The following MTREX variants were observed in gnomAD, a reference collection of about 807,000 sequenced individuals.
The protein encoded by MTREX is exosome RNA helicase MTR4.
MTREX carries 76 observed loss-of-function variants against 135.4 expected under a neutral mutation model. The observed-to-expected ratio is 0.56, with a 90% CI of 0.47 to 0.68. The LOEUF is 0.68. Among genes scored for constraint, MTREX ranks in the 30% least tolerant of loss-of-function variants. The pLI, the probability that MTREX is intolerant of heterozygous loss-of-function variation, is 0.00. For missense variants in MTREX, 920 were observed against 1,262.1 expected, an observed-to-expected ratio of 0.73 and a Z score of 4.11; for synonymous variants, 404 against 401.6, an observed-to-expected ratio of 1.01 and a Z score of -0.07.
chr5:55,412,123 A>G (rs960751258), intron 23 of MTREX, among the ~76,000 whole-genome samples: 2 of 152,290 alleles, frequency 1.3e-5, no homozygotes, highest in Middle Eastern at 3.4e-3. Flanking sequence ...ATACAGTGTC[A>G]TCAATTCTTG....
intron 3 of MTREX, among the ~76,000 whole-genome samples, chr5:55,327,021 A>C (rs1303459863): frequency 6.6e-6 from 1 of 152,248 alleles, no homozygotes; most frequent in Non-Finnish European, 1.5e-5. Flanking sequence ...TGCAAAGGAC[A>C]TGAACTCATC....
chr5:55,348,768 G>T (rs1309315657), intron 11 of MTREX, among the ~76,000 whole-genome samples: 1 of 151,940 alleles, frequency 6.6e-6, no homozygotes, highest in African/African-American at 2.4e-5. Flanking sequence ...AAAGTTGCAG[G>T]GTTGCATACT....
Position 55,423,113 on chromosome 5 carries a change from A to G in MTREX, c.3076+131A>G. 6.1e-6 allele frequency: 4 copies of G among 652,466 alleles called. No individual in the cohort carries two copies. In the South Asian group the frequency reaches 8.0e-5, roughly 13 times the overall value. The allele number at this position is 652,466 out of a possible 1,614,324, so 40.4% of individuals were successfully genotyped here. A position where few individuals can be genotyped will look rare whatever the true frequency, so the allele number is the denominator to read the frequency against. On this transcript the variant is annotated intron_variant, in intron 26 of 26. Coordinates refer to ENST00000230640, the MANE Select transcript of MTREX (RefSeq NM_015360.5). ...GCATTGTCATGGAGAGCTATCTACT[A>G]GTGTTTCTATAAAATTTAGTGTGTT...
At chr5:55,418,325 C>T (rs950470753) in intron 25 of MTREX, among the ~76,000 whole-genome samples, 1 of 149,240 alleles carries the variant, frequency 6.7e-6, no homozygotes, top group African/African-American at 2.5e-5. Flanking sequence ...TCTAGGAATT[C>T]ATATAAAATT....
At chr5:55,338,739 T>G (rs1168979944) in intron 5 of MTREX, among the ~76,000 whole-genome samples, 1 of 150,782 alleles carries the variant, frequency 6.6e-6, no homozygotes, top group African/African-American at 2.4e-5. Flanking sequence ...TATGGGCCCA[T>G]CTAGAGAATT....
At position 55,388,008 on chromosome 5, in the gene MTREX, TAGA is replaced by T. The variant is rs1750506120; in HGVS notation, c.2090_2092del (p.Glu697del). 6.2e-7 allele frequency: 1 copy of T among 1,605,154 alleles called. No homozygotes were observed. Among genetic ancestry groups the T allele is most frequent in the Non-Finnish European group, 8.5e-7 (1 of 1,173,794 alleles). On this transcript the variant is annotated inframe_deletion, in exon 19 of 27. Transcript: ENST00000230640. ...GGTGAACTGGATCCTTTGTATGTAG[TAGA>T]AGTACTTCTGCGCTGTAGCAAAGAG...
At position 55,425,564 on chromosome 5, in the gene MTREX, A is replaced by AAAAG; in HGVS notation, c.*794_*797dup. ...TAGCTTCATTTTGCCAATACTGAAT[A>AAAAG]AAAGAGTTATTTCTACATGTGAATT... On this transcript the variant is annotated 3_prime_UTR_variant, in exon 27 of 27. Transcript: ENST00000230640. 1 of 464,752 alleles carries AAAAG rather than the reference A, an allele frequency of 2.2e-6. No homozygotes were observed. Among genetic ancestry groups the AAAAG allele is most frequent in the South Asian group, 5.1e-5 (1 of 19,742 alleles). 28.8% of individuals were successfully genotyped at this position (464,752 alleles called of 1,614,324 possible).
At chr5:55,389,857 ATATAT>A (rs1561205914) in intron 19 of MTREX, among the ~76,000 whole-genome samples, 1 of 151,118 alleles carries the variant, frequency 6.6e-6, no homozygotes, top group East Asian at 1.9e-4. Context: ...TGTTTTATAA[ATATAT>A]TGTTTGCCTT....
intron 5 of MTREX, among the ~76,000 whole-genome samples, chr5:55,335,063 A>G (rs1749533308): frequency 6.6e-6 from 1 of 152,002 alleles, no homozygotes; most frequent in African/African-American, 2.4e-5. Flanking sequence ...AGTAGTTTTA[A>G]TATGCATTTC....
Position 55,424,960 on chromosome 5 carries a change from A to C in MTREX, c.*188A>C. ...ACATAAGCATTACATTTTTTTAATAAAAATGTATACAGGTGGGGCACTGTT... is the reference window on the plus strand; with the variant it reads ...ACATAAGCATTACATTTTTTTAATACAAATGTATACAGGTGGGGCACTGTT... On this transcript the variant is annotated 3_prime_UTR_variant, in exon 27 of 27. Coordinates refer to ENST00000230640, the MANE Select transcript of MTREX (RefSeq NM_015360.5). 1.6e-6 allele frequency: 1 copy of C among 644,704 alleles called. No homozygotes were observed. Among genetic ancestry groups the C allele is most frequent in the East Asian group, 2.8e-5 (1 of 36,232 alleles). The allele number at this position is 644,704 out of a possible 1,614,324, so 39.9% of individuals were successfully genotyped here.
At chr5:55,402,427 C>T (rs1004611661) in intron 21 of MTREX, among the ~76,000 whole-genome samples, 1 of 152,178 alleles carries the variant, frequency 6.6e-6, no homozygotes, top group African/African-American at 2.4e-5. Context: ...AACACAAGAA[C>T]AGGTAGACTT....
intron 16 of MTREX, among the ~76,000 whole-genome samples, chr5:55,367,384 G>A (rs749325382): frequency 4.6e-5 from 7 of 152,034 alleles, no homozygotes; most frequent in Middle Eastern, 3.4e-3. Flanking sequence ...TACTTGGGAG[G>A]CTGAGGCAGG....
chr5:55,389,636 A>G (rs530755817), intron 19 of MTREX, among the ~76,000 whole-genome samples: 1 of 152,276 alleles, frequency 6.6e-6, no homozygotes, highest in Admixed American at 6.5e-5. Flanking sequence ...TGAGATTTTA[A>G]CAAACTTGTA....
chr5:55,416,177 C>T, intron 25 of MTREX, 45 bp downstream of exon 25: 1 of 1,250,146 alleles, frequency 8.0e-7, no homozygotes, highest in Non-Finnish European at 1.1e-6. Flanking sequence ...ATAAGAAATA[C>T]AGTTAGGATG....
chr5:55,312,473 T>C (rs1561182512), intron 1 of MTREX, among the ~76,000 whole-genome samples: 1 of 152,158 alleles, frequency 6.6e-6, no homozygotes, highest in African/African-American at 2.4e-5. Flanking sequence ...ACAATCAAGA[T>C]AAACATTTCC....
At chr5:55,407,574 T>C (rs1009081662) in intron 22 of MTREX, among the ~76,000 whole-genome samples, 1 of 152,182 alleles carries the variant, frequency 6.6e-6, no homozygotes, top group Non-Finnish European at 1.5e-5. Context: ...TCCCCCAAAT[T>C]TGCAAAAACT....
At chr5:55,313,481 A>G (rs549524359) in intron 1 of MTREX, among the ~76,000 whole-genome samples, 3 of 152,268 alleles carry the variant, frequency 2.0e-5, no homozygotes, top group South Asian at 2.1e-4. Context: ...TGACAATTAC[A>G]TAATTAAACT....
chr5:55,308,789 G>A (rs751701963), intron 1 of MTREX, among the ~76,000 whole-genome samples: 1 of 152,164 alleles, frequency 6.6e-6, no homozygotes, highest in Admixed American at 6.5e-5. Context: ...ACCAGAAAGT[G>A]TACAGATCTG....
At chr5:55,331,598 T>C (rs1289468241) in intron 5 of MTREX, among the ~76,000 whole-genome samples, 1 of 152,212 alleles carries the variant, frequency 6.6e-6, no homozygotes, top group African/African-American at 2.4e-5. Context: ...TAAGACTTAT[T>C]CACGGATCAT....
Sources: gnomAD v4.1 joint callset for allele counts (sites outside exome capture counted in the v4.1 genomes callset) on GRCh38, gnomAD v4.1.1 for gene constraint, MANE v1.5 for transcripts, NCBI Gene and HGNC (gene_info 2026-07-23, HGNC 2026-07-21) for gene names.